Variants in SEZ6 observed in about 807,000 individuals in gnomAD.
The protein encoded by SEZ6 is seizure related 6 homolog.
Under a neutral mutation model 101.0 loss-of-function variants are expected in SEZ6, and 53 were observed. The observed-to-expected ratio is 0.52, with a 90% confidence interval of 0.42 to 0.66. SEZ6 has a LOEUF of 0.66. SEZ6 is among the 30% of genes least tolerant of loss of function. The probability of loss-of-function intolerance (pLI) is 0.00; values close to 1 mark genes in which losing one functional copy is unlikely to be tolerated. For synonymous variants in SEZ6, 488 were observed against 512.2 expected, an observed-to-expected ratio of 0.95 and a Z score of 0.64; for missense variants, 1,102 against 1,289.4, an observed-to-expected ratio of 0.85 and a Z score of 2.23.
At chr17:28,995,223 T>A (rs1202529177) in intron 1 of SEZ6, among the ~76,000 whole-genome samples, 1 of 152,140 alleles carries the variant, frequency 6.6e-6, no homozygotes, top group Non-Finnish European at 1.5e-5. Flanking sequence ...CTCATCTCCC[T>A]CTGCTGAGCA....
chr17:28,957,001 C>G (rs534752060), intron 13 of SEZ6, 44 bp downstream of exon 13: 1 of 1,516,094 alleles, frequency 6.6e-7, no homozygotes, highest in South Asian at 1.3e-5. Context: ...GCCAGAGCAG[C>G]TCTATGGGCC....
Position 28,955,989 on chromosome 17 carries a change from AAG to A in SEZ6, c.2956_2957del (p.Leu986PhefsTer128). ...FDNPTYETGS[L>X]SFAGDERI Reference sequence around the variant, plus strand: ...ATATTCTCTCGTCTCCTGCAAAGGAAAGAGACTGCTGGGAGTTGGAAACTTGT... The same window carrying A: ...ATATTCTCTCGTCTCCTGCAAAGGAAAGACTGCTGGGAGTTGGAAACTTGT... On this transcript the variant is annotated frameshift_variant, in exon 17 of 17. Coordinates refer to ENST00000317338, the MANE Select transcript of SEZ6 (RefSeq NM_178860.5). LOFTEE classifies it high-confidence loss of function. The A allele has an allele frequency of 1.9e-6, 3 of 1,612,908 alleles. No homozygotes were observed. The highest frequency in any genetic ancestry group is 2.5e-6 in the Non-Finnish European group (3 of 1,179,474).
At chr17:28,966,939 G>A (rs1405151348) in intron 4 of SEZ6, among the ~76,000 whole-genome samples, 1 of 152,204 alleles carries the variant, frequency 6.6e-6, no homozygotes, top group Admixed American at 6.5e-5. Context: ...GTGCTTGGCA[G>A]GCAGTACAGG....
chr17:28,967,207 C>T (rs1277367303), intron 4 of SEZ6, among the ~76,000 whole-genome samples: 1 of 152,224 alleles, frequency 6.6e-6, no homozygotes, highest in Non-Finnish European at 1.5e-5. Flanking sequence ...CACCTCACAT[C>T]TACATGTACT....
intron 1 of SEZ6, among the ~76,000 whole-genome samples, chr17:29,001,627 T>A (rs2041615936): frequency 6.6e-6 from 1 of 152,214 alleles, no homozygotes; most frequent in African/African-American, 2.4e-5. Context: ...GCCCAAAAGC[T>A]GTTGAGAACT....
Position 28,969,901 on chromosome 17 carries a change from C to A in SEZ6, c.910G>T (p.Gly304Trp), listed in dbSNP as rs369316261. The A allele has an allele frequency of 1.3e-6, 2 of 1,546,374 alleles. No homozygotes were observed. The highest frequency in any genetic ancestry group is 2.6e-5 in the East Asian group (1 of 38,714). The part of the protein sequence containing the change: ...EGETVTVEGL[G>W]GPDPLPLANQ... ...GCCAGGGGCAGTGGGTCAGGCCCCCCCAGGCCTTCCACAGTCACTGTCTCC... is the reference window on the plus strand; with the variant it reads ...GCCAGGGGCAGTGGGTCAGGCCCCCACAGGCCTTCCACAGTCACTGTCTCC... The change falls in exon 4 of 17, where the codon GGG becomes TGG. Residue 304 changes from glycine (G) to tryptophan (W), a missense_variant. Physicochemically the swap from Gly to Trp is radical, Grantham distance 184. This residue lies in a region of SEZ6 where 406 missense variants were observed against 418.6 expected (regional missense o/e 0.97). Transcript: ENST00000317338.
intron 1 of SEZ6, among the ~76,000 whole-genome samples, chr17:28,993,776 G>T (rs1471399257): frequency 6.6e-6 from 1 of 152,186 alleles, no homozygotes; most frequent in Non-Finnish European, 1.5e-5. Context: ...AGCATCTTTG[G>T]ACTACTGCCC....
intron 1 of SEZ6, among the ~76,000 whole-genome samples, chr17:28,990,749 C>A (rs1289869450): frequency 1.3e-5 from 2 of 151,916 alleles, no homozygotes; most frequent in Non-Finnish European, 2.9e-5. Context: ...AAAACCCTAG[C>A]CTCCTTCAGG....
Position 28,959,342 on chromosome 17 carries a change from G to A in SEZ6, c.1902C>T (p.Asp634=). ...ACCCGGTAGGCACTCACACTCGGAT[G>A]TCCAGCATGATGCGCTTGTCCTCTT... The part of the protein sequence containing the change: ...HVEEDKRIML[D]IRVLRIGPGD... Residue 634 remains aspartate (D), a synonymous_variant, in exon 9 of 17, where the codon GAC becomes GAT. Transcript: ENST00000317338. The surrounding 1 kb of genome is among the most constrained non-coding windows in gnomAD (Gnocchi z 4.4). 6.2e-7 allele frequency: 1 copy of A among 1,613,840 alleles called. No homozygotes were observed. Among genetic ancestry groups the A allele is most frequent in the South Asian group, 1.1e-5 (1 of 91,082 alleles).
At chr17:28,992,261 A>G (rs1369381090) in intron 1 of SEZ6, among the ~76,000 whole-genome samples, 2 of 152,236 alleles carry the variant, frequency 1.3e-5, no homozygotes, top group Non-Finnish European at 2.9e-5. Context: ...CACACAGAGG[A>G]AAGTGACAAA....
At position 28,960,542 on chromosome 17, in the gene SEZ6, G is replaced by A; in HGVS notation, c.1539C>T (p.Ser513=). The stretch of plus-strand genomic sequence containing the variant: ...GGGCCATGCCTGCAGCTGCCCCGCT[G>A]CTGTCAGTACTGAGCTCAACAAAGA... ...KHFFVELSTD[S]SGAAAGMALR... The change falls in exon 7 of 17, where the codon AGC becomes AGT. Residue 513 remains serine, a synonymous_variant. Coordinates refer to ENST00000317338, the MANE Select transcript of SEZ6 (RefSeq NM_178860.5). 6 of 1,593,356 alleles carry A rather than the reference G, an allele frequency of 3.8e-6. No individual in the cohort carries two copies. Among genetic ancestry groups the A allele is most frequent in the Non-Finnish European group, 5.1e-6 (6 of 1,170,412 alleles).
intron 1 of SEZ6, among the ~76,000 whole-genome samples, chr17:28,994,785 T>G (rs1013462417): frequency 2.0e-5 from 3 of 151,886 alleles, no homozygotes; most frequent in African/African-American, 7.3e-5. Flanking sequence ...TGCTCAACCC[T>G]GGGGGCTGAT....
rs1012517784 is a variant in SEZ6, at chr17:28,960,269, A to G, written c.1576+236T>C. 6.5e-6 allele frequency: 4 copies of G among 613,668 alleles called. No homozygotes were observed. In the Admixed American group the frequency reaches 8.9e-5, roughly 14 times the overall value. The allele number at this position is 613,668 out of a possible 1,614,324, so 38.0% of individuals were successfully genotyped here. A position where few individuals can be genotyped will look rare whatever the true frequency, so the allele number is the denominator to read the frequency against. On this transcript the variant is annotated intron_variant, in intron 7 of 16. Coordinates refer to ENST00000317338, the MANE Select transcript of SEZ6 (RefSeq NM_178860.5). ...TTGCTTTTCAAAATCTGGAGAATTT[A>G]TTCCCTTGGACCATAGGGCCTGGGT... is the stretch of plus-strand genomic sequence containing the variant.
At chr17:29,002,160 G>C (rs1015339974) in intron 1 of SEZ6, among the ~76,000 whole-genome samples, 2 of 151,652 alleles carry the variant, frequency 1.3e-5, no homozygotes, top group South Asian at 2.1e-4. Flanking sequence ...CTGCCCAGGT[G>C]GGGGCACAGC....
intron 7 of SEZ6, 52 bp downstream of exon 7, chr17:28,960,453 C>G (rs766959294): frequency 1.3e-6 from 2 of 1,553,864 alleles, no homozygotes; most frequent in South Asian, 1.2e-5. Context: ...ACCCTAGGCC[C>G]GAGCCCATCC....
chr17:28,956,206 G>C lies in SEZ6; in HGVS notation c.2905C>G (p.Arg969Gly), dbSNP rs549301905. Reference protein sequence around the residue: ...LPRPRPRPYNRITIESAFDNP... With the variant: ...LPRPRPRPYNGITIESAFDNP... ...TCAAACGCTGACTCTATGGTAATGC[G>C]GTTGTAGGGGCGGGGGCGGGGGCGG... Residue 969 changes from arginine (R) to glycine (G), a missense_variant, in exon 16 of 17, where the codon CGC becomes GGC. By Grantham distance (125) the Arg-to-Gly change is moderately radical (BLOSUM62 -2). Coordinates refer to ENST00000317338, the MANE Select transcript of SEZ6 (RefSeq NM_178860.5). The C allele has an allele frequency of 9.0e-6, 11 of 1,217,620 alleles. No homozygotes were observed. The African/African-American group carries it at 1.7e-4, about 19-fold the overall frequency. The allele number at this position is 1,217,620 out of a possible 1,614,324, so 75.4% of individuals were successfully genotyped here. A position where few individuals can be genotyped will look rare whatever the true frequency, so the allele number is the denominator to read the frequency against.
chr17:29,001,479 C>G (rs1490817543), intron 1 of SEZ6, among the ~76,000 whole-genome samples: 1 of 152,140 alleles, frequency 6.6e-6, no homozygotes, highest in Non-Finnish European at 1.5e-5. Flanking sequence ...CCCTGAGGAA[C>G]CATGTAGTAG....
rs2040864877 is a variant in SEZ6, at chr17:28,955,525, C to T, written c.*437G>A. ...GGAGTTTTGGCCATTGGTGATGGCGCTGTGAGGAGTACCCTGGTGCAGTTC... is the reference window on the plus strand; with the variant it reads ...GGAGTTTTGGCCATTGGTGATGGCGTTGTGAGGAGTACCCTGGTGCAGTTC... On this transcript the variant is annotated 3_prime_UTR_variant, in exon 17 of 17. Transcript: ENST00000317338. The T allele has an allele frequency of 2.4e-6, 1 of 419,422 alleles. No individual in the cohort carries two copies. The highest frequency in any genetic ancestry group is 1.7e-5 in the South Asian group (1 of 57,618). The allele number at this position is 419,422 out of a possible 1,614,324, so 26.0% of individuals were successfully genotyped here.
At chr17:28,961,014 G>C (rs372724356) in intron 5 of SEZ6, 41 bp from the exon 6 acceptor site, 2 of 1,581,040 alleles carry the variant, frequency 1.3e-6, no homozygotes, top group African/African-American at 2.7e-5. Context: ...GCCCCTGCCT[G>C]AACCCAGGCA....
Sources: allele counts gnomAD v4.1 joint callset (sites outside exome capture counted in the v4.1 genomes callset), GRCh38; gene constraint gnomAD v4.1.1; regional missense constraint gnomAD v4.1.1; non-coding constraint Gnocchi (gnomAD v3.1); transcripts MANE v1.5; gene names NCBI Gene and HGNC (gene_info 2026-07-23, HGNC 2026-07-21).